Variants in CIPC observed in about 807,000 individuals in gnomAD.
CIPC encodes the protein CLOCK-interacting pacemaker.
A neutral mutation model predicts 26.7 loss-of-function variants in CIPC; 12 were observed. That is an observed-to-expected ratio of 0.45 (90% CI 0.29 to 0.73). The LOEUF is 0.73. CIPC is among the 30% of genes least tolerant of loss of function. CIPC has a pLI of 0.12. For synonymous variants in CIPC, 170 were observed against 189.8 expected (o/e 0.90, Z 0.86); for missense variants, 417 against 486.5 (o/e 0.86, Z 1.34).
chr14:77,103,771 C>T (rs535953563), intron 1 of CIPC, among the ~76,000 whole-genome samples: 5 of 152,230 alleles, frequency 3.3e-5, no homozygotes, highest in African/African-American at 1.2e-4. Flanking sequence ...TGACTGCCTA[C>T]CCAGGATCTC....
intron 1 of CIPC, among the ~76,000 whole-genome samples, chr14:77,100,240 C>CTTTTTTTTTT (rs57785837): frequency 1.3e-4 from 17 of 130,528 alleles, no homozygotes; most frequent in African/African-American, 2.6e-4. Context: ...TTCTTTCTTT[C>CTTTTTTTTTT]TTTTTTTTTT....
rs1421527230 is a variant in CIPC, at chr14:77,105,857, T to C, written c.136+13T>C. ...TCTGGCTTTTCAGGTTAAAAATATC[T>C]TATCCTTCCTCTGTTTTGTGAGTGA... is the stretch of plus-strand genomic sequence containing the variant. On this transcript the variant is annotated intron_variant, in intron 2 of 3. Transcript: ENST00000361786. 1 of 1,612,438 alleles carries C rather than the reference T, an allele frequency of 6.2e-7. No homozygotes were observed. Among genetic ancestry groups the C allele is most frequent in the Non-Finnish European group, 8.5e-7 (1 of 1,179,390 alleles).
chr14:77,116,324 T>C lies in CIPC; in HGVS notation c.*2006T>C, dbSNP rs1210955415. The stretch of plus-strand genomic sequence containing the variant: ...CTTCCCCTGAATCTGTGTGGTACTA[T>C]AGCAGCTCTACTCTGTGCACCATGC... On this transcript the variant is annotated 3_prime_UTR_variant, in exon 4 of 4. Transcript: ENST00000361786. 6.6e-6 allele frequency: 1 copy of C among 152,242 alleles called. No homozygotes were observed. The highest frequency in any genetic ancestry group is 6.5e-5 in the Admixed American group (1 of 15,286). The allele number at this position is 152,242 out of a possible 1,614,324, so 9.4% of individuals were successfully genotyped here.
intron 1 of CIPC, among the ~76,000 whole-genome samples, chr14:77,102,010 C>G (rs1286804482): frequency 6.6e-6 from 1 of 152,088 alleles, no homozygotes; most frequent in Non-Finnish European, 1.5e-5. Context: ...CACTTTAGCC[C>G]AGGAGGTCGA....
chr14:77,108,992 C>T (rs1325414803), intron 2 of CIPC, among the ~76,000 whole-genome samples: 2 of 152,118 alleles, frequency 1.3e-5, no homozygotes, highest in South Asian at 2.1e-4. Flanking sequence ...AGGCTCATCT[C>T]GTATCTTCCC....
In CIPC at chr14:77,114,431, T is replaced by C; in HGVS notation, c.*113T>C. ...CTTTTCCTTCTAAACTTAAACTGTG[T>C]TGTGGTTCACTTAGGAAGCCACGTG... On this transcript the variant is annotated 3_prime_UTR_variant, in exon 4 of 4. Coordinates refer to ENST00000361786, the MANE Select transcript of CIPC (RefSeq NM_033426.3). The C allele has an allele frequency of 1.6e-6, 2 of 1,227,160 alleles. No individual in the cohort carries two copies. Among genetic ancestry groups the C allele is most frequent in the Non-Finnish European group, 2.3e-6 (2 of 876,794 alleles). The allele number at this position is 1,227,160 out of a possible 1,614,324, so 76.0% of individuals were successfully genotyped here. A position where few individuals can be genotyped will look rare whatever the true frequency, so the allele number is the denominator to read the frequency against.
At position 77,115,415 on chromosome 14, in the gene CIPC, T is replaced by TA. The variant is rs1886793538; in HGVS notation, c.*1098dup. The TA allele has an allele frequency of 6.6e-6, 1 of 152,190 alleles. No homozygotes were observed. The highest frequency in any genetic ancestry group is 2.1e-4 in the South Asian group (1 of 4,832). 9.4% of individuals were successfully genotyped at this position (152,190 alleles called of 1,614,324 possible). On this transcript the variant is annotated 3_prime_UTR_variant, in exon 4 of 4. Coordinates refer to ENST00000361786, the MANE Select transcript of CIPC (RefSeq NM_033426.3). Reference sequence around the variant, plus strand: ...CCATGTCATAGTGATGGGAAGCAGTTACAGAGCAGCGTCTTCTGTGTTTCC... The same window carrying TA: ...CCATGTCATAGTGATGGGAAGCAGTTAACAGAGCAGCGTCTTCTGTGTTTCC...
chr14:77,103,169 G>A (rs1419181051), intron 1 of CIPC, among the ~76,000 whole-genome samples: 1 of 152,200 alleles, frequency 6.6e-6, no homozygotes, highest in African/African-American at 2.4e-5. Flanking sequence ...ACTTGGAATT[G>A]TGTTTAAAAT....
intron 3 of CIPC, 151 bp downstream of exon 3, chr14:77,110,132 C>T (rs974234205): frequency 9.0e-6 from 6 of 666,224 alleles, no homozygotes; most frequent in African/African-American, 1.8e-5. Flanking sequence ...TCCTGGGGAG[C>T]GGATGTTATC....
At chr14:77,100,093 A>G (rs1401373469) in intron 1 of CIPC, 1 of 152,148 alleles carries the variant, frequency 6.6e-6, no homozygotes, top group Non-Finnish European at 1.5e-5. Context: ...GAAAAAAACA[A>G]CTCGAGGTTG....
rs2140038791 is a variant in CIPC at position 77,117,144 on chromosome 14, T to C, written c.*2826T>C. Reference sequence around the variant, plus strand: ...TTAGCAGAAAAGTAACTTTTGTGCATATATTGAAGTGGTTTTTCAGCTATG... The same window carrying C: ...TTAGCAGAAAAGTAACTTTTGTGCACATATTGAAGTGGTTTTTCAGCTATG... On this transcript the variant is annotated 3_prime_UTR_variant, in exon 4 of 4. Transcript: ENST00000361786. 6.5e-6 allele frequency: 1 copy of C among 152,798 alleles called. No homozygotes were observed. Among genetic ancestry groups the C allele is most frequent in the Non-Finnish European group, 1.5e-5 (1 of 68,028 alleles). The allele number at this position is 152,798 out of a possible 1,614,324, so 9.5% of individuals were successfully genotyped here. A position where few individuals can be genotyped will look rare whatever the true frequency, so the allele number is the denominator to read the frequency against.
intron 3 of CIPC, among the ~76,000 whole-genome samples, chr14:77,113,156 T>A (rs1016425609): frequency 3.3e-5 from 5 of 152,240 alleles, no homozygotes; most frequent in Admixed American, 6.5e-5. Flanking sequence ...TGACCTTAGC[T>A]ATGTCATTAC....
chr14:77,104,746 AT>A (rs1268535299), intron 1 of CIPC, among the ~76,000 whole-genome samples: 1 of 152,170 alleles, frequency 6.6e-6, no homozygotes, highest in East Asian at 1.9e-4. Flanking sequence ...TCTCCCATTT[AT>A]AGCTCTTATC....
At chr14:77,104,630 G>A (rs184942871) in intron 1 of CIPC, among the ~76,000 whole-genome samples, 369 of 152,274 alleles carry the variant, frequency 2.4e-3, no homozygotes, top group Non-Finnish European at 3.8e-3. Context: ...TGCTCCCTTA[G>A]GGCCTTCACA....
rs930947683 is a variant in CIPC at position 77,113,943 on chromosome 14, G to A, written c.825G>A (p.Gly275=). The change falls in exon 4 of 4, where the codon GGG becomes GGA. Residue 275 remains glycine (G), a synonymous_variant. Coordinates refer to ENST00000361786, the MANE Select transcript of CIPC (RefSeq NM_033426.3). Reference sequence around the variant, plus strand: ...GCGCATCAGACAGCACTCTCCATGGGTTAGAGAGCAACTCTCCCCTTTCAC... The same window carrying A: ...GCGCATCAGACAGCACTCTCCATGGATTAGAGAGCAACTCTCCCCTTTCAC... The part of the protein sequence containing the change: ...PVCASDSTLH[G]LESNSPLSPL... 6.2e-7 allele frequency: 1 copy of A among 1,614,190 alleles called. No homozygotes were observed. The highest frequency in any genetic ancestry group is 8.5e-7 in the Non-Finnish European group (1 of 1,180,048).
intron 3 of CIPC, among the ~76,000 whole-genome samples, chr14:77,110,518 C>T (rs1436455701): frequency 1.3e-5 from 2 of 152,184 alleles, no homozygotes; most frequent in Admixed American, 1.3e-4. Flanking sequence ...GGAATACCAG[C>T]AGAATCCACA....
chr14:77,109,661 A>G, intron 2 of CIPC, 151 bp from the exon 3 acceptor site: 2 of 610,358 alleles, frequency 3.3e-6, no homozygotes, highest in Non-Finnish European at 5.5e-6. Flanking sequence ...TGAAAAGCCA[A>G]TGAAAGCTAA....
At chr14:77,104,002 C>T (rs1165574052) in intron 1 of CIPC, among the ~76,000 whole-genome samples, 1 of 152,150 alleles carries the variant, frequency 6.6e-6, no homozygotes, top group South Asian at 2.1e-4. Flanking sequence ...TGGACTGTCA[C>T]GGTAGCAACT....
rs773785918 is a variant in CIPC, at chr14:77,113,920, G to A, written c.802G>A (p.Ala268Thr). The stretch of plus-strand genomic sequence containing the variant: ...CGCTTCCCCCGCCAGTCCTGTCTGC[G>A]CATCAGACAGCACTCTCCATGGGTT... Reference protein sequence around the residue: ...TFASPASPVCASDSTLHGLES... With the variant: ...TFASPASPVCTSDSTLHGLES... The change falls in exon 4 of 4, where the codon GCA becomes ACA. Residue 268 changes from alanine to threonine, a missense_variant. Ala to Thr is a moderately conservative substitution (Grantham distance 58, BLOSUM62 0). Transcript: ENST00000361786. The A allele has an allele frequency of 2.5e-6, 4 of 1,614,126 alleles. No homozygotes were observed. The highest frequency in any genetic ancestry group is 1.7e-5 in the Admixed American group (1 of 60,024).
Sources: allele counts gnomAD v4.1 joint callset (sites outside exome capture counted in the v4.1 genomes callset), GRCh38; gene constraint gnomAD v4.1.1; transcripts MANE v1.5; gene names NCBI Gene and HGNC (gene_info 2026-07-23, HGNC 2026-07-21).